CDIN1: variants seen among roughly 807,000 people sequenced by gnomAD.
The protein encoded by CDIN1 is CDAN1-interacting nuclease 1.
CDIN1 carries 33 observed loss-of-function variants against 45.3 expected under a neutral mutation model. That is an observed-to-expected ratio of 0.73 (90% CI 0.55 to 0.97). The LOEUF (loss-of-function observed/expected upper bound fraction) is 0.97. Among genes scored for constraint, CDIN1 ranks in the 50% least tolerant of loss-of-function variants. CDIN1 has a pLI of 0.00. For missense variants in CDIN1, 303 were observed against 339.4 expected, an observed-to-expected ratio of 0.89 and a Z score of 0.84; for synonymous variants, 118 against 124.4, an observed-to-expected ratio of 0.95 and a Z score of 0.34.
In CDIN1 at chr15:36,761,197, A is replaced by C. The variant is rs1455269232; in HGVS notation, c.717-47127A>C. Among the ~76,000 whole-genome samples, 3 of 152,240 alleles carry C rather than the reference A, an allele frequency of 2.0e-5. No homozygotes were observed. The South Asian group carries it at 6.2e-4, about 32-fold the overall frequency. Reference sequence around the variant, plus strand: ...ACCCTCAAGCTCTGGAACAGGTCACACTTTTCTCTGCTCAGGACACTAGAT... The same window carrying C: ...ACCCTCAAGCTCTGGAACAGGTCACCCTTTTCTCTGCTCAGGACACTAGAT... On this transcript the variant is annotated intron_variant, in intron 10 of 10. Transcript: ENST00000566621.
At chr15:36,667,410 T>C (rs200222145) in intron 5 of CDIN1, among the ~76,000 whole-genome samples, 1 of 152,196 alleles carries the variant, frequency 6.6e-6, no homozygotes, top group African/African-American at 2.4e-5. Flanking sequence ...CATAATTAGG[T>C]GTAGCACCTA....
At chr15:36,673,260 C>A (rs770467790) in intron 5 of CDIN1, among the ~76,000 whole-genome samples, 25 of 152,172 alleles carry the variant, frequency 1.6e-4, no homozygotes, top group Non-Finnish European at 2.6e-4. Context: ...GTAGTCAATT[C>A]CTCTAGTATC....
At chr15:36,742,810 A>G (rs1239698586) in intron 10 of CDIN1, among the ~76,000 whole-genome samples, 1 of 152,252 alleles carries the variant, frequency 6.6e-6, no homozygotes, top group East Asian at 1.9e-4. Context: ...AAAGATAAGC[A>G]TGGCCTCAAG....
At chr15:36,643,767 C>T (rs181379165) in intron 1 of CDIN1, among the ~76,000 whole-genome samples, 4 of 152,246 alleles carry the variant, frequency 2.6e-5, no homozygotes, top group African/African-American at 7.2e-5. Context: ...ACGCCAGTAT[C>T]GGTGGGAATG....
At chr15:36,773,445 AT>A (rs1453846691) in intron 10 of CDIN1, among the ~76,000 whole-genome samples, 1 of 152,214 alleles carries the variant, frequency 6.6e-6, no homozygotes, top group Non-Finnish European at 1.5e-5. Context: ...TGTATTAGTT[AT>A]TTTTTATTTT....
At chr15:36,660,461 G>A (rs2040964736) in intron 5 of CDIN1, among the ~76,000 whole-genome samples, 1 of 152,004 alleles carries the variant, frequency 6.6e-6, no homozygotes, top group Non-Finnish European at 1.5e-5. Context: ...GTTTTAAATT[G>A]TTTTTACTTC....
chr15:36,765,061 C>T (rs2381893), intron 10 of CDIN1, among the ~76,000 whole-genome samples: 95,744 of 142,694 alleles, frequency 0.67, 32,345 homozygotes, highest in East Asian at 0.93. Flanking sequence ...TTCTTTCTTT[C>T]TTTTTTTTTT....
chr15:36,678,588 G>A (rs1262588320), intron 5 of CDIN1, among the ~76,000 whole-genome samples: 1 of 152,138 alleles, frequency 6.6e-6, no homozygotes, highest in Non-Finnish European at 1.5e-5. Context: ...CTCTGACTGT[G>A]CATGACTTTT....
intron 10 of CDIN1, among the ~76,000 whole-genome samples, chr15:36,779,843 T>C (rs2054305940): frequency 1.3e-5 from 2 of 152,158 alleles, no homozygotes; most frequent in Non-Finnish European, 2.9e-5. Flanking sequence ...CCCAACTAAG[T>C]TGGTACATCA....
intron 10 of CDIN1, among the ~76,000 whole-genome samples, chr15:36,793,749 G>A (rs989074350): frequency 6.6e-6 from 1 of 152,044 alleles, no homozygotes; most frequent in African/African-American, 2.4e-5. Context: ...CATTAATCGC[G>A]AGAAAACAAA....
At chr15:36,584,677 C>G (rs1188460790) in intron 1 of CDIN1, among the ~76,000 whole-genome samples, 2 of 152,098 alleles carry the variant, frequency 1.3e-5, no homozygotes, top group Non-Finnish European at 2.9e-5. Flanking sequence ...GAAGCCATCC[C>G]AGCACGGGAC....
chr15:36,789,355 T>C (rs145931256), intron 10 of CDIN1, among the ~76,000 whole-genome samples: 17 of 152,336 alleles, frequency 1.1e-4, no homozygotes, highest in African/African-American at 3.8e-4. Context: ...TAAACAAATA[T>C]AGAAACATTT....
At chr15:36,685,959 G>A (rs866156675) in intron 5 of CDIN1, among the ~76,000 whole-genome samples, 1 of 151,614 alleles carries the variant, frequency 6.6e-6, no homozygotes, top group Non-Finnish European at 1.5e-5. Context: ...TACACTGTTG[G>A]TGGGACTGTA....
chr15:36,618,122 A>G, intron 1 of CDIN1: 1 of 727,318 alleles, frequency 1.4e-6, no homozygotes, highest in East Asian at 2.5e-5. Context: ...TCCCAATGGT[A>G]GTTTTGTGAA....
intron 1 of CDIN1, chr15:36,614,277 C>CCTTTAACTGAGGGCCGAT (rs2140284514): frequency 1.7e-6 from 1 of 593,894 alleles, no homozygotes; most frequent in East Asian, 3.5e-5. Flanking sequence ...CCGAAGCTGA[C>CCTTTAACTGAGGGCCGAT]CTTTAACTGA....
intron 1 of CDIN1, among the ~76,000 whole-genome samples, chr15:36,643,061 T>C (rs955835635): frequency 6.6e-6 from 1 of 152,178 alleles, no homozygotes; most frequent in Non-Finnish European, 1.5e-5. Context: ...AAAGGGGCTT[T>C]TCAGTTTTAA....
chr15:36,783,679 C>T (rs565593572), intron 10 of CDIN1, among the ~76,000 whole-genome samples: 24 of 152,198 alleles, frequency 1.6e-4, no homozygotes, highest in African/African-American at 5.3e-4. Flanking sequence ...ACACGGGAAA[C>T]GTAAGTTGGA....
chr15:36,620,147 C>A (rs1319003361), intron 1 of CDIN1, among the ~76,000 whole-genome samples: 3 of 152,062 alleles, frequency 2.0e-5, no homozygotes, highest in East Asian at 3.9e-4. Flanking sequence ...GTCAGGAGAT[C>A]GAGACCATCC....
chr15:36,772,347 G>C (rs2054102208), intron 10 of CDIN1, among the ~76,000 whole-genome samples: 1 of 152,090 alleles, frequency 6.6e-6, no homozygotes, highest in African/African-American at 2.4e-5. Flanking sequence ...TTGATTGCAT[G>C]GTGCTGCTTT....
Sources: gnomAD v4.1 joint callset for allele counts (sites outside exome capture counted in the v4.1 genomes callset) on GRCh38, gnomAD v4.1.1 for gene constraint, MANE v1.5 for transcripts, NCBI Gene and HGNC (gene_info 2026-07-23, HGNC 2026-07-21) for gene names.